Variants in PLCB1 observed in about 807,000 individuals in gnomAD.
The protein encoded by PLCB1 is 1-phosphatidylinositol 4,5-bisphosphate phosphodiesterase beta-1.
A neutral mutation model predicts 161.8 loss-of-function variants in PLCB1; 46 were observed. The ratio of observed to expected loss-of-function variants is 0.28; its 90% CI spans 0.22 to 0.36. The LOEUF (loss-of-function observed/expected upper bound fraction) is 0.36. Among genes scored for constraint, PLCB1 ranks in the 10% least tolerant of loss-of-function variants. PLCB1 has a pLI of 1.00. For synonymous variants in PLCB1, 517 were observed against 503.7 expected (o/e 1.03, Z -0.35); for missense variants, 1,016 against 1,472.5 (o/e 0.69, Z 5.07).
At position 8,758,247 on chromosome 20, in the gene PLCB1, A is replaced by G. The variant is rs1007846949; in HGVS notation, c.2656+1069A>G. ...AAGAGAATTAAAAAAAAAAAAACCAATTATATTTAATTTGTATCAGACACG... is the reference window on the plus strand; with the variant it reads ...AAGAGAATTAAAAAAAAAAAAACCAGTTATATTTAATTTGTATCAGACACG... On this transcript the variant is annotated intron_variant, in intron 24 of 31. Coordinates refer to ENST00000338037, the MANE Select transcript of PLCB1 (RefSeq NM_015192.4). Among the ~76,000 whole-genome samples the G allele has an allele frequency of 2.6e-5, 4 of 151,068 alleles. No individual in the cohort carries two copies. In the South Asian group the frequency reaches 6.3e-4, roughly 24 times the overall value.
At chr20:8,518,054 C>G (rs763763657) in intron 3 of PLCB1, among the ~76,000 whole-genome samples, 21 of 152,080 alleles carry the variant, frequency 1.4e-4, no homozygotes, top group African/African-American at 5.1e-4. Context: ...TGGTGGCATG[C>G]GCCTGTAGTC....
rs544922303 is a variant in PLCB1, at chr20:8,427,813, G to A, written c.246+56363G>A. Among the ~76,000 whole-genome samples the A allele has an allele frequency of 5.3e-5, 8 of 152,292 alleles. No homozygotes were observed. The East Asian group carries it at 7.7e-4, about 15-fold the overall frequency. On this transcript the variant is annotated intron_variant, in intron 3 of 31. Transcript: ENST00000338037. ...CCAGCTGGCGTCAGTAGTTTTACTG[G>A]TATGCAGGACCTGAAAGAATATCTT...
chr20:8,584,305 A>G (rs1232924324), intron 3 of PLCB1, among the ~76,000 whole-genome samples: 1 of 152,172 alleles, frequency 6.6e-6, no homozygotes, highest in African/African-American at 2.4e-5. Context: ...GAACTCATCA[A>G]TTACGTCAAA....
At chr20:8,818,202 G>A (rs1985167664) in intron 31 of PLCB1, among the ~76,000 whole-genome samples, 1 of 152,138 alleles carries the variant, frequency 6.6e-6, no homozygotes, top group African/African-American at 2.4e-5. Flanking sequence ...CAAGCATAGT[G>A]TATTTTAAAC....
At chr20:8,748,972 A>G (rs992484541) in intron 23 of PLCB1, among the ~76,000 whole-genome samples, 2 of 152,208 alleles carry the variant, frequency 1.3e-5, no homozygotes, top group Non-Finnish European at 2.9e-5. Context: ...TTCAACGTGC[A>G]TACAGATCAC....
At chr20:8,145,909 T>C (rs1259783262) in intron 1 of PLCB1, among the ~76,000 whole-genome samples, 2 of 152,186 alleles carry the variant, frequency 1.3e-5, no homozygotes, top group Non-Finnish European at 2.9e-5. Context: ...TCTTAGTCTT[T>C]GAAATCTTGC....
At chr20:8,205,834 G>A (rs6118113) in intron 2 of PLCB1, among the ~76,000 whole-genome samples, 2,759 of 152,084 alleles carry the variant, frequency 0.018, 102 homozygotes, top group African/African-American at 0.063. Flanking sequence ...GGATGACCAC[G>A]AATGAATGGT....
chr20:8,377,824 G>A (rs1439540463), intron 3 of PLCB1, among the ~76,000 whole-genome samples: 2 of 152,158 alleles, frequency 1.3e-5, no homozygotes, highest in African/African-American at 4.8e-5. Context: ...ATGTTGAGAT[G>A]CCTGCTAGAC....
At chr20:8,382,552 T>C (rs1048557214) in intron 3 of PLCB1, among the ~76,000 whole-genome samples, 15 of 143,888 alleles carry the variant, frequency 1.0e-4, no homozygotes, top group African/African-American at 3.8e-4. Flanking sequence ...CAAAGTGTCT[T>C]TTTTTTTTTT....
At chr20:8,454,909 T>G (rs980404962) in intron 3 of PLCB1, among the ~76,000 whole-genome samples, 1 of 152,208 alleles carries the variant, frequency 6.6e-6, no homozygotes, top group African/African-American at 2.4e-5. Flanking sequence ...GTTCACTGCT[T>G]TTTAGTTCAC....
chr20:8,870,953 C>T (rs1017900811), intron 31 of PLCB1, among the ~76,000 whole-genome samples: 2 of 152,144 alleles, frequency 1.3e-5, no homozygotes. Context: ...GTTCTTAGAC[C>T]AGCAGCAACA....
chr20:8,854,988 A>C (rs1180568207), intron 31 of PLCB1, among the ~76,000 whole-genome samples: 1 of 152,252 alleles, frequency 6.6e-6, no homozygotes, highest in Non-Finnish European at 1.5e-5. Context: ...AAGTTTAAAT[A>C]ACATAACGGA....
chr20:8,788,192 A>G (rs1044012347), intron 27 of PLCB1, among the ~76,000 whole-genome samples: 1 of 152,194 alleles, frequency 6.6e-6, no homozygotes, highest in African/African-American at 2.4e-5. Context: ...GGCTATAATA[A>G]CTGCCACAAC....
chr20:8,679,674 A>G (rs1167013303), intron 9 of PLCB1, among the ~76,000 whole-genome samples: 1 of 152,208 alleles, frequency 6.6e-6, no homozygotes, highest in Admixed American at 6.5e-5. Context: ...TTTGTACTTC[A>G]GCTGGAAGTG....
At chr20:8,791,674 CAAT>C (rs201601396) in intron 31 of PLCB1, among the ~76,000 whole-genome samples, 3,104 of 151,410 alleles carry the variant, frequency 0.021, 44 homozygotes, top group African/African-American at 0.038. Flanking sequence ...TTTGGTTCAA[CAAT>C]GTTAACTATT....
At chr20:8,775,391 C>G (rs1043873074) in intron 27 of PLCB1, among the ~76,000 whole-genome samples, 1 of 152,126 alleles carries the variant, frequency 6.6e-6, no homozygotes, top group Admixed American at 6.5e-5. Flanking sequence ...TCCTTGAAAA[C>G]AAGCTTATGC....
At chr20:8,802,280 A>G (rs1600339817) in intron 31 of PLCB1, 5 of 614,520 alleles carry the variant, frequency 8.1e-6, no homozygotes, top group Non-Finnish European at 1.5e-5. Context: ...CCCTTTCTCT[A>G]CATTCCCATC....
chr20:8,200,800 C>T (rs1011077318), intron 2 of PLCB1, among the ~76,000 whole-genome samples: 16 of 151,794 alleles, frequency 1.1e-4, no homozygotes, highest in Admixed American at 5.9e-4. Context: ...TATCTGGATC[C>T]GTGTATTTTC....
chr20:8,617,502 G>A (rs1014325379), intron 3 of PLCB1, among the ~76,000 whole-genome samples: 2 of 151,900 alleles, frequency 1.3e-5, no homozygotes, highest in Non-Finnish European at 2.9e-5. Context: ...TGGCTATGTT[G>A]GGAGTATTTA....
Sources: allele counts gnomAD v4.1 joint callset (sites outside exome capture counted in the v4.1 genomes callset), GRCh38; gene constraint gnomAD v4.1.1; transcripts MANE v1.5; gene names NCBI Gene and HGNC (gene_info 2026-07-23, HGNC 2026-07-21).